ZBTB7C: variants seen among roughly 807,000 people sequenced by gnomAD.
The protein encoded by ZBTB7C is zinc finger and BTB domain containing 7C, also known as zinc finger and BTB domain-containing protein 7C.
In ZBTB7C, 8 loss-of-function variants were observed where a neutral mutation model predicts 25.7. The ratio of observed to expected loss-of-function variants is 0.31; its 90% confidence interval spans 0.18 to 0.56. The LOEUF is 0.56. Ranked by LOEUF, ZBTB7C falls within the 20% of genes least tolerant of loss-of-function variation. The pLI, the probability that ZBTB7C is intolerant of heterozygous loss-of-function variation, is 0.91. For synonymous variants in ZBTB7C, 394 were observed against 369.0 expected (o/e 1.07, Z -0.78); for missense variants, 824 against 855.2 (o/e 0.96, Z 0.46).
chr18:48,390,170 A>G (rs932856573), intron 1 of ZBTB7C, among the ~76,000 whole-genome samples: 3 of 152,234 alleles, frequency 2.0e-5, no homozygotes, highest in Non-Finnish European at 2.9e-5. Context: ...ATATATCTTC[A>G]CACTAGACAA....
intron 3 of ZBTB7C, among the ~76,000 whole-genome samples, chr18:48,123,758 G>A (rs1001632267): frequency 3.3e-5 from 5 of 152,230 alleles, no homozygotes; most frequent in African/African-American, 9.6e-5. Context: ...TATAAGAATG[G>A]TGAATATAGA....
At chr18:48,099,141 G>A (rs996458261) in intron 3 of ZBTB7C, among the ~76,000 whole-genome samples, 4 of 152,258 alleles carry the variant, frequency 2.6e-5, no homozygotes, top group East Asian at 1.9e-4. Context: ...AATAAAATAG[G>A]ATTCACAATA....
intron 2 of ZBTB7C, among the ~76,000 whole-genome samples, chr18:48,332,444 G>C (rs558497991): frequency 7.2e-4 from 110 of 152,278 alleles, no homozygotes; most frequent in African/African-American, 2.5e-3. Flanking sequence ...AGCATAAATT[G>C]ATTTGGGGGT....
intron 1 of ZBTB7C, among the ~76,000 whole-genome samples, chr18:48,361,965 T>A (rs877101): frequency 0.22 from 34,031 of 152,152 alleles, 4,208 homozygotes; most frequent in Non-Finnish European, 0.27. Context: ...ACTCCAGCGT[T>A]ACCTGCCAGG....
chr18:48,217,742 G>A (rs551333806), intron 2 of ZBTB7C, among the ~76,000 whole-genome samples: 1 of 152,162 alleles, frequency 6.6e-6, no homozygotes, highest in Non-Finnish European at 1.5e-5. Flanking sequence ...ACTAGGCCGT[G>A]TCTCATATCT....
chr18:48,037,425 A>G (rs1402578106), intron 4 of ZBTB7C, among the ~76,000 whole-genome samples: 1 of 152,214 alleles, frequency 6.6e-6, no homozygotes, highest in Non-Finnish European at 1.5e-5. Context: ...TCACCCTCCT[A>G]TACAACACAG....
intron 2 of ZBTB7C, among the ~76,000 whole-genome samples, chr18:48,330,991 G>A (rs983479345): frequency 6.6e-6 from 1 of 152,156 alleles, no homozygotes; most frequent in East Asian, 1.9e-4. Flanking sequence ...CAGACTTTCA[G>A]GTCAAGGGTT....
rs555148033 is a variant in ZBTB7C, at chr18:48,058,685, C to T, written c.-16-17562G>A. On this transcript the variant is annotated intron_variant, in intron 3 of 4. Coordinates refer to ENST00000590800, the MANE Select transcript of ZBTB7C (RefSeq NM_001318841.2). ...GTGGTATTCATGCCCCGTGCAGTCC[C>T]CTCCTGCATTGTATCAGGGCTGGTA... Among the ~76,000 whole-genome samples the T allele has an allele frequency of 8.5e-5, 13 of 152,360 alleles. 2 individuals carry two copies. Among genetic ancestry groups the T allele is most frequent in the African/African-American group, 2.9e-4 (12 of 41,574 alleles).
chr18:48,161,427 C>G (rs942174696), intron 3 of ZBTB7C, among the ~76,000 whole-genome samples: 1 of 152,038 alleles, frequency 6.6e-6, no homozygotes, highest in African/African-American at 2.4e-5. Context: ...GTAAAACCAA[C>G]GGGGCGGATT....
At chr18:48,277,891 C>T (rs78979212) in intron 2 of ZBTB7C, among the ~76,000 whole-genome samples, 7,692 of 151,862 alleles carry the variant, frequency 0.051, 259 homozygotes, top group Non-Finnish European at 0.072. Flanking sequence ...AGGTAGCAGC[C>T]CCTCTCTTTG....
chr18:48,277,556 A>C (rs1306709870), intron 2 of ZBTB7C, among the ~76,000 whole-genome samples: 1 of 152,244 alleles, frequency 6.6e-6, no homozygotes, highest in Non-Finnish European at 1.5e-5. Flanking sequence ...CTTCACAGCT[A>C]TTCTAAGGAA....
intron 2 of ZBTB7C, among the ~76,000 whole-genome samples, chr18:48,246,290 C>A (rs146381184): frequency 6.6e-6 from 1 of 151,816 alleles, no homozygotes; most frequent in Admixed American, 6.6e-5. Context: ...GTTAGCCGGG[C>A]GTGGTGGCGG....
chr18:48,226,604 C>T (rs115862153), intron 2 of ZBTB7C, among the ~76,000 whole-genome samples: 1 of 152,220 alleles, frequency 6.6e-6, no homozygotes, highest in African/African-American at 2.4e-5. Context: ...ATGACACACA[C>T]CTTTGCAACC....
intron 3 of ZBTB7C, among the ~76,000 whole-genome samples, chr18:48,176,430 G>C (rs2041679246): frequency 6.6e-6 from 1 of 152,132 alleles, no homozygotes; most frequent in Non-Finnish European, 1.5e-5. Context: ...GAAATGCTGG[G>C]GAGAACATTA....
At chr18:48,385,858 G>A (rs1017779378) in intron 1 of ZBTB7C, among the ~76,000 whole-genome samples, 6 of 152,198 alleles carry the variant, frequency 3.9e-5, no homozygotes, top group African/African-American at 1.4e-4. Context: ...CACGGCCCAT[G>A]TGTCTCTACA....
chr18:48,051,590 G>T (rs1167211298), intron 3 of ZBTB7C, among the ~76,000 whole-genome samples: 1 of 117,760 alleles, frequency 8.5e-6, no homozygotes, highest in African/African-American at 2.9e-5. Context: ...TGAGGCTAAG[G>T]TCACAAAGTG....
chr18:48,355,187 G>A (rs766599650), intron 1 of ZBTB7C, among the ~76,000 whole-genome samples: 7 of 152,052 alleles, frequency 4.6e-5, no homozygotes, highest in Non-Finnish European at 8.8e-5. Flanking sequence ...TGGAGAGGGC[G>A]GTATTTTGAA....
At chr18:48,310,408 A>G (rs1209949431) in intron 2 of ZBTB7C, among the ~76,000 whole-genome samples, 1 of 150,430 alleles carries the variant, frequency 6.6e-6, no homozygotes, top group East Asian at 1.9e-4. Flanking sequence ...AAAACCAGAA[A>G]TATAAGTAGT....
At chr18:48,104,457 T>C (rs1247380192) in intron 3 of ZBTB7C, among the ~76,000 whole-genome samples, 1 of 152,168 alleles carries the variant, frequency 6.6e-6, no homozygotes, top group Non-Finnish European at 1.5e-5. Context: ...CAACCTCTTT[T>C]CTTTATAAAT....
Sources: allele counts gnomAD v4.1 joint callset (sites outside exome capture counted in the v4.1 genomes callset), GRCh38; gene constraint gnomAD v4.1.1; transcripts MANE v1.5; gene names NCBI Gene and HGNC (gene_info 2026-07-23, HGNC 2026-07-21).